The following SLC4A3 variants were observed in gnomAD, a reference collection of about 807,000 sequenced individuals.
The protein encoded by SLC4A3 is solute carrier family 4 member 3, also known as anion exchange protein 3.
Under a neutral mutation model 114.2 loss-of-function variants are expected in SLC4A3, and 47 were observed. That is an observed-to-expected ratio of 0.41 (90% CI 0.33 to 0.52). SLC4A3 has a LOEUF of 0.52. Ranked by LOEUF, SLC4A3 falls within the 20% of genes least tolerant of loss-of-function variation. SLC4A3 has a pLI of 0.21. For synonymous variants in SLC4A3, 693 were observed against 710.3 expected, an observed-to-expected ratio of 0.98 and a Z score of 0.39; for missense variants, 1,312 against 1,668.3, an observed-to-expected ratio of 0.79 and a Z score of 3.72.
chr2:219,629,887 G>C (rs539849010), intron 5 of SLC4A3, among the ~76,000 whole-genome samples, 192 bp downstream of exon 5: 66 of 145,036 alleles, frequency 4.6e-4, no homozygotes, highest in African/African-American at 1.2e-3. Context: ...GAACAAGGGG[G>C]GGGGGAGAAA....
At position 219,629,213 on chromosome 2, in the gene SLC4A3, G is replaced by A. The variant is rs775959763; in HGVS notation, c.287G>A (p.Arg96Gln). 98 of 1,613,000 alleles carry A rather than the reference G, an allele frequency of 6.1e-5. No individual in the cohort carries two copies. Among genetic ancestry groups the A allele is most frequent in the African/African-American group, 1.2e-4 (9 of 74,880 alleles). The change falls in exon 4 of 23, where the codon CGG (arginine) becomes CAG (glutamine). Residue 96 changes from arginine to glutamine, a missense_variant. This residue lies in a region of SLC4A3 where 236 missense variants were observed against 212.1 expected (regional missense o/e 1.11). Coordinates refer to ENST00000358055, the MANE Select transcript of SLC4A3 (RefSeq NM_005070.4). ...SARLPPPHKL[R>Q]RLPPTSARHT... Reference sequence around the variant, plus strand: ...CGCCTGCCTCCACCCCACAAGCTGCGGCGGCTGCCCCCCACCTCTGCCCGG... The same window carrying A: ...CGCCTGCCTCCACCCCACAAGCTGCAGCGGCTGCCCCCCACCTCTGCCCGG...
At chr2:219,632,819 A>G in intron 8 of SLC4A3, 55 bp from the exon 9 acceptor site, 2 of 1,602,318 alleles carry the variant, frequency 1.2e-6, no homozygotes, top group Non-Finnish European at 1.7e-6. Flanking sequence ...GAGTGGGAGG[A>G]GATTTTTCCT....
Position 219,636,788 on chromosome 2 carries a change from C to T in SLC4A3, c.2449C>T (p.Arg817Cys), listed in dbSNP as rs375705733. ...GGCCGCCGAAGGCAGCTTCCTGGTC[C>T]GCTACATCTCGCCTTTCACCCAGGA... ...LVAAEGSFLV[R>C]YISPFTQEIF... Residue 817 changes from arginine (R) to cysteine (C), a missense_variant, in exon 16 of 23, where the codon CGC becomes TGC. Around this residue, in one of 4 missense-constraint regions of SLC4A3, gnomAD observed 771 missense variants for 977.7 expected, o/e 0.79. Coordinates refer to ENST00000358055, the MANE Select transcript of SLC4A3 (RefSeq NM_005070.4). This position sits in a 1 kb window ranked among gnomAD's most constrained non-coding sequence, Gnocchi z 5.5. 12 of 1,613,948 alleles carry T rather than the reference C, an allele frequency of 7.4e-6. No individual in the cohort carries two copies. Among genetic ancestry groups the T allele is most frequent in the East Asian group, 4.5e-5 (2 of 44,890 alleles).
In SLC4A3 at chr2:219,632,890, C is replaced by T. The variant is rs1474724849; in HGVS notation, c.1158C>T (p.Asp386=). The T allele has an allele frequency of 1.2e-6, 2 of 1,614,176 alleles. No homozygotes were observed. The highest frequency in any genetic ancestry group is 1.7e-6 in the Non-Finnish European group (2 of 1,180,022). The part of the protein sequence containing the change: ...RTIAHGAALL[D]LEQTTLPGIA... ...TCCCCCTAGGAGCTGCCCTCCTGGA[C>T]CTGGAGCAAACCACCCTGCCAGGCA... is the stretch of plus-strand genomic sequence containing the variant. The change falls in exon 9 of 23, where the codon GAC becomes GAT. Residue 386 remains aspartate (D), a synonymous_variant. Coordinates refer to ENST00000358055, the MANE Select transcript of SLC4A3 (RefSeq NM_005070.4).
At chr2:219,634,021 G>A (rs772936896) in intron 11 of SLC4A3, 42 bp downstream of exon 11, 1 of 1,499,732 alleles carries the variant, frequency 6.7e-7, no homozygotes. Context: ...TGCAGTGTGT[G>A]TGTGCCTCTC....
chr2:219,637,203 TGTGTGTGG>T lies in SLC4A3; in HGVS notation c.2535+335_2535+342del, dbSNP rs547817013. ...CACCTTTTGTAGAGGAGTGTGTGTG[TGTGTGTGG>T]GTGTGGGTGTGGTGTGAGTATGGTG... On this transcript the variant is annotated intron_variant, in intron 16 of 22. Transcript: ENST00000358055. The surrounding 1 kb of genome is among the most constrained non-coding windows in gnomAD (Gnocchi z 4.6). Among the ~76,000 whole-genome samples, 1,001 of 151,514 alleles carry T rather than the reference TGTGTGTGG, an allele frequency of 6.6e-3. 5 individuals are homozygous for T. Among genetic ancestry groups the T allele is most frequent in the Admixed American group, 0.013 (201 of 15,228 alleles).
At position 219,637,649 on chromosome 2, in the gene SLC4A3, T is replaced by A. The variant is rs770943976; in HGVS notation, c.2604T>A (p.Ala868=). 2 of 1,612,980 alleles carry A rather than the reference T, an allele frequency of 1.2e-6. No individual in the cohort carries two copies. The highest frequency in any genetic ancestry group is 2.2e-5 in the South Asian group (2 of 91,066). The change falls in exon 17 of 23, where the codon GCT becomes GCA. Residue 868 remains alanine, a synonymous_variant. Transcript: ENST00000358055. This position sits in a 1 kb window ranked among gnomAD's most constrained non-coding sequence, Gnocchi z 4.6. ...PEGALEGSLD[A]GLEPNGSALP... ...GGGCCCTGGAGGGGTCCCTGGATGC[T>A]GGTCTGGAGCCAAATGGCAGTGCCC...
intron 9 of SLC4A3, 37 bp downstream of exon 9, chr2:219,633,046 T>C (rs1325938916): frequency 2.5e-6 from 4 of 1,606,060 alleles, no homozygotes; most frequent in Non-Finnish European, 3.4e-6. Flanking sequence ...CCTGTCCAGC[T>C]CAGCTGCCCT....
chr2:219,633,744 G>T, intron 10 of SLC4A3, 136 bp from the exon 11 acceptor site: 1 of 1,349,970 alleles, frequency 7.4e-7, no homozygotes, highest in Non-Finnish European at 9.9e-7. Flanking sequence ...GGCTCCCAGT[G>T]TGGGGCCACA....
chr2:219,632,203 A>G, intron 7 of SLC4A3, 59 bp from the exon 8 acceptor site: 2 of 1,610,438 alleles, frequency 1.2e-6, no homozygotes, highest in South Asian at 2.2e-5. Context: ...GCCTTGCCCC[A>G]TCACGGTGTT....
In SLC4A3 at chr2:219,629,927, G is replaced by T. The variant is rs1015193906; in HGVS notation, c.612-226G>T. ...GAGAAGAGCAGAGTGAAGAGGTTAG[G>T]AGTTCCCCAGGAGAGAGTGACAGAG... On this transcript the variant is annotated intron_variant, in intron 5 of 22. Transcript: ENST00000358055. 10 of 826,700 alleles carry T rather than the reference G, an allele frequency of 1.2e-5. No individual in the cohort carries two copies. In the African/African-American group the frequency reaches 1.2e-4, roughly 10 times the overall value. 51.2% of individuals were successfully genotyped at this position (826,700 alleles called of 1,614,324 possible).
In SLC4A3 at chr2:219,632,000, C is replaced by A. The variant is rs1369136798; in HGVS notation, c.844C>A (p.Arg282=). 5.0e-6 allele frequency: 8 copies of A among 1,612,180 alleles called. No individual in the cohort carries two copies. Among genetic ancestry groups the A allele is most frequent in the Non-Finnish European group, 6.8e-6 (8 of 1,179,240 alleles). The part of the protein sequence containing the change: ...HRLEDNPGVR[R]HLVKKPSRTQ... ...ACTGGAGGACAACCCTGGTGTGCGG[C>A]GACACTTAGTGAAAAAGCCCTCCCG... The change falls in exon 7 of 23, where the codon CGA becomes AGA. Residue 282 remains arginine (R), a synonymous_variant. Coordinates refer to ENST00000358055, the MANE Select transcript of SLC4A3 (RefSeq NM_005070.4). The surrounding 1 kb of genome is among the most constrained non-coding windows in gnomAD (Gnocchi z 6.3).
At chr2:219,635,928 C>T in intron 14 of SLC4A3, 37 bp downstream of exon 14, 1 of 1,422,228 alleles carries the variant, frequency 7.0e-7, no homozygotes, top group Non-Finnish European at 9.3e-7. Context: ...AGGGGCTCCT[C>T]TAGTCACTTC....
chr2:219,633,793 T>G, intron 10 of SLC4A3, 87 bp from the exon 11 acceptor site: 2 of 1,536,086 alleles, frequency 1.3e-6, no homozygotes. Context: ...GAAGCAGGTC[T>G]CAGAGCCAGG....
In SLC4A3 at chr2:219,640,606, C is replaced by A. The variant is rs1699292357; in HGVS notation, c.3447+7C>A. ...GCAGCCCTATGTGACCAAGGTAGGG[C>A]CGGGAAGCATGGGGGTAGGGCAGTG... On this transcript the variant is annotated splice_region_variant and intron_variant, in intron 21 of 22. Transcript: ENST00000358055. 9 of 1,612,980 alleles carry A rather than the reference C, an allele frequency of 5.6e-6. No homozygotes were observed. The highest frequency in any genetic ancestry group is 7.6e-6 in the Non-Finnish European group (9 of 1,179,356).
At position 219,637,640 on chromosome 2, in the gene SLC4A3, C is replaced by A. The variant is rs1482221129; in HGVS notation, c.2595C>A (p.Ser865=). Residue 865 remains serine (S), a synonymous_variant, in exon 17 of 23, where the codon TCC becomes TCA. Transcript: ENST00000358055. This position sits in a 1 kb window ranked among gnomAD's most constrained non-coding sequence, Gnocchi z 4.6. The stretch of plus-strand genomic sequence containing the variant: ...CCCCTGAGGGGGCCCTGGAGGGGTC[C>A]CTGGATGCTGGTCTGGAGCCAAATG... ...FYPPEGALEG[S]LDAGLEPNGS... 2.5e-6 allele frequency: 4 copies of A among 1,613,070 alleles called. No individual in the cohort carries two copies. In the African/African-American group the frequency reaches 5.3e-5, roughly 22 times the overall value.
In SLC4A3 at chr2:219,636,579, A is replaced by G. The variant is rs1699125985; in HGVS notation, c.2341-101A>G. 1 of 1,478,626 alleles carries G rather than the reference A, an allele frequency of 6.8e-7. No individual in the cohort carries two copies. Among genetic ancestry groups the G allele is most frequent in the Admixed American group, 2.0e-5 (1 of 49,202 alleles). The allele number at this position is 1,478,626 out of a possible 1,614,324, so 91.6% of individuals were successfully genotyped here. On this transcript the variant is annotated intron_variant, in intron 15 of 22. Transcript: ENST00000358055. This position sits in a 1 kb window ranked among gnomAD's most constrained non-coding sequence, Gnocchi z 5.5. ...CCTTACCTAGGGGATGGGTCCCTGC[A>G]TTCTCCCTCTTCCTCGGAGTTCATC...
rs182150770 is a variant in SLC4A3 at position 219,641,389 on chromosome 2, A to C, written c.3622-262A>C. 9.3e-4 allele frequency among the ~76,000 whole-genome samples: 141 copies of C among 152,344 alleles called. 2 individuals are homozygous for C. The highest frequency in any genetic ancestry group is 3.4e-3 in the African/African-American group (140 of 41,578). ...CTCAAACATGGTGTACAAAGGTACCATAGCAACTAGAAGTGGCCTCAGGAA... is the reference window on the plus strand; with the variant it reads ...CTCAAACATGGTGTACAAAGGTACCCTAGCAACTAGAAGTGGCCTCAGGAA... On this transcript the variant is annotated intron_variant, in intron 22 of 22. Transcript: ENST00000358055. The surrounding 1 kb of genome is among the most constrained non-coding windows in gnomAD (Gnocchi z 4.0).
At position 219,629,277 on chromosome 2, in the gene SLC4A3, T is replaced by C. The variant is rs201117025; in HGVS notation, c.351T>C (p.Ala117=). ...AGAGGAAGAAGGAGAAAACCTCTGC[T>C]CCTCCCTCCGAGGGGACCCCTCCCA... ...RRKRKKEKTS[A]PPSEGTPPIQ... Residue 117 remains alanine (A), a synonymous_variant, in exon 4 of 23, where the codon GCT becomes GCC. Transcript: ENST00000358055. 4.6e-5 allele frequency: 74 copies of C among 1,613,040 alleles called. No homozygotes were observed. The East Asian group carries it at 1.6e-3, about 36-fold the overall frequency.
Sources: allele counts gnomAD v4.1 joint callset (sites outside exome capture counted in the v4.1 genomes callset), GRCh38; gene constraint gnomAD v4.1.1; regional missense constraint gnomAD v4.1.1; non-coding constraint Gnocchi (gnomAD v3.1); transcripts MANE v1.5; gene names NCBI Gene and HGNC (gene_info 2026-07-23, HGNC 2026-07-21).